Variants in ASPM observed in about 807,000 individuals in gnomAD.
ASPM encodes the protein abnormal spindle-like microcephaly-associated protein.
In ASPM, 256 loss-of-function variants were observed where a neutral mutation model predicts 366.4. The ratio of observed to expected loss-of-function variants is 0.70; its 90% CI spans 0.63 to 0.77. ASPM has a LOEUF of 0.77. Ranked by LOEUF, ASPM falls within the 30% of genes least tolerant of loss-of-function variation. The probability of loss-of-function intolerance (pLI) is 0.00; values close to 1 mark genes in which losing one functional copy is unlikely to be tolerated. For synonymous variants in ASPM, 1,414 were observed against 1,342.9 expected (o/e 1.05, Z -1.16); for missense variants, 4,146 against 4,090.4 (o/e 1.01, Z -0.37).
rs746872796 is a variant in ASPM at position 197,135,130 on chromosome 1, A to G, written c.2139T>C (p.Pro713=). 2.4e-5 allele frequency: 38 copies of G among 1,606,098 alleles called. No individual in the cohort carries two copies. The highest frequency in any genetic ancestry group is 3.2e-5 in the Non-Finnish European group (37 of 1,172,992). The part of the protein sequence containing the change: ...FTWWLNFILT[P]DDFTVKTNIS... ...TATTTGTTTTTACAGTGAAGTCATC[A>G]GGGGTTAATATAAAATTTAACCACC... Residue 713 remains proline (P), a synonymous_variant, in exon 5 of 28, where the codon CCT becomes CCC. Transcript: ENST00000367409.
intron 20 of ASPM, among the ~76,000 whole-genome samples, chr1:197,093,657 C>A (rs539559537): frequency 6.6e-6 from 1 of 151,898 alleles, no homozygotes; most frequent in East Asian, 1.9e-4. Context: ...TAGCATACCA[C>A]TAGCACACCT....
chr1:197,139,236 C>T (rs1337731059), intron 4 of ASPM: 16 of 910,088 alleles, frequency 1.8e-5, no homozygotes, highest in South Asian at 7.8e-5. Flanking sequence ...AGGCTAGTGA[C>T]GGCCTCTGAC....
At chr1:197,119,791 C>T (rs969685701) in intron 16 of ASPM, among the ~76,000 whole-genome samples, 9 of 152,138 alleles carry the variant, frequency 5.9e-5, no homozygotes, top group Middle Eastern at 3.4e-3. Flanking sequence ...CCAGGGGATG[C>T]TTCAATAGTT....
At chr1:197,128,775 A>C in intron 9 of ASPM, 110 bp from the exon 10 acceptor site, 2 of 890,054 alleles carry the variant, frequency 2.2e-6, no homozygotes, top group East Asian at 2.8e-5. Flanking sequence ...TAATATAAAA[A>C]GTTTCATATT....
intron 16 of ASPM, among the ~76,000 whole-genome samples, chr1:197,120,728 C>G (rs1232479523): frequency 6.6e-6 from 1 of 152,008 alleles, no homozygotes; most frequent in Non-Finnish European, 1.5e-5. Flanking sequence ...TTGGAAGCTT[C>G]TAGGGGAATT....
At position 197,102,827 on chromosome 1, in the gene ASPM, CTT is replaced by C. The variant is rs1465448637; in HGVS notation, c.6422_6423del (p.Lys2141SerfsTer10). Reference sequence around the variant, plus strand: ...CATCTTACTTGAATAACAATAGCTGCTTTTCTCATTGTATGGTAACTTATTCT... The same window carrying C: ...CATCTTACTTGAATAACAATAGCTGCTTCTCATTGTATGGTAACTTATTCT... ...QSRISYHTMR[K>X]AAIVIQVRCR... On this transcript the variant is annotated frameshift_variant, in exon 18 of 28. Coordinates refer to ENST00000367409, the MANE Select transcript of ASPM (RefSeq NM_018136.5). LOFTEE classifies it high-confidence loss of function. The C allele has an allele frequency of 1.2e-6, 2 of 1,612,280 alleles. No homozygotes were observed. The highest frequency in any genetic ancestry group is 1.7e-6 in the Non-Finnish European group (2 of 1,179,216).
At position 197,103,027 on chromosome 1, in the gene ASPM, CT is replaced by C; in HGVS notation, c.6223del (p.Arg2075AspfsTer19). On this transcript the variant is annotated frameshift_variant, in exon 18 of 28. Coordinates refer to ENST00000367409, the MANE Select transcript of ASPM (RefSeq NM_018136.5). LOFTEE classifies it high-confidence loss of function. ...TYRASAIIIQRWYRGIKITNH... is the reference protein window; with the variant it reads ...TYRASAIIIQXWYRGIKITNH... ...TGTAATTTTAATACCTCGATACCAT[CT>C]CTGAATTATAATAGCTGAAGCTCTA... 1.2e-6 allele frequency: 2 copies of C among 1,612,372 alleles called. No homozygotes were observed. Among genetic ancestry groups the C allele is most frequent in the Non-Finnish European group, 1.7e-6 (2 of 1,179,186 alleles).
chr1:197,135,330 C>A lies in ASPM; in HGVS notation c.2027-88G>T, dbSNP rs910301304. The A allele has an allele frequency of 6.3e-6, 8 of 1,268,744 alleles. 1 individual carries two copies. In the African/African-American group the frequency reaches 1.0e-4, roughly 16 times the overall value. 78.6% of individuals were successfully genotyped at this position (1,268,744 alleles called of 1,614,324 possible). A position where few individuals can be genotyped will look rare whatever the true frequency, so the allele number is the denominator to read the frequency against. On this transcript the variant is annotated intron_variant, in intron 4 of 27. Transcript: ENST00000367409. ...CAAAAGTCATTTTTACTAGCAATAC[C>A]ATCTTTAAAACACTGAACAATATTT...
intron 16 of ASPM, among the ~76,000 whole-genome samples, chr1:197,119,032 T>A (rs1407955261): frequency 1.3e-5 from 2 of 152,102 alleles, no homozygotes; most frequent in African/African-American, 4.8e-5. Context: ...TTAATAACAA[T>A]CAGTGGTTGG....
At position 197,130,032 on chromosome 1, in the gene ASPM, A is replaced by C. The variant is rs765390340; in HGVS notation, c.2512T>G (p.Leu838Val). ...CCTGTGACATCACTGTTATCTTCCA[A>C]AGATATGAGTTCTCCATAAGTTGTC... ...LETTYGELIS[L>V]EDNSDVTGLA... The change falls in exon 8 of 28, where the codon TTG (leucine) becomes GTG (valine). Residue 838 changes from leucine (L) to valine (V), a missense_variant. By Grantham distance (32) the Leu-to-Val change is conservative (BLOSUM62 1). Coordinates refer to ENST00000367409, the MANE Select transcript of ASPM (RefSeq NM_018136.5). The C allele has an allele frequency of 1.9e-6, 3 of 1,613,788 alleles. No individual in the cohort carries two copies. Among genetic ancestry groups the C allele is most frequent in the Admixed American group, 3.3e-5 (2 of 59,984 alleles).
rs1449395109 is a variant in ASPM at position 197,102,656 on chromosome 1, T to A, written c.6595A>T (p.Asn2199Tyr). The A allele has an allele frequency of 6.8e-6, 11 of 1,612,802 alleles. No homozygotes were observed. The highest frequency in any genetic ancestry group is 9.3e-6 in the Non-Finnish European group (11 of 1,179,288). ...MQTAATLIQS[N>Y]YRRYRQQTYF... is the part of the protein sequence containing the mutation. ...GTTTGCTGTCTGTATCTTCTGTAGT[T>A]TGACTGAATGAGTGTTGCTGCAGTC... The change falls in exon 18 of 28, where the codon AAC becomes TAC. Residue 2199 changes from asparagine (N) to tyrosine (Y), a missense_variant. Coordinates refer to ENST00000367409, the MANE Select transcript of ASPM (RefSeq NM_018136.5).
At position 197,101,723 on chromosome 1, in the gene ASPM, T is replaced by A; in HGVS notation, c.7528A>T (p.Ile2510Phe). 3 of 1,612,150 alleles carry A rather than the reference T, an allele frequency of 1.9e-6. No homozygotes were observed. Among genetic ancestry groups the A allele is most frequent in the African/African-American group, 2.7e-5 (2 of 74,908 alleles). Residue 2510 changes from isoleucine (I) to phenylalanine (F), a missense_variant, in exon 18 of 28, where the codon ATT (isoleucine) becomes TTT (phenylalanine). Coordinates refer to ENST00000367409, the MANE Select transcript of ASPM (RefSeq NM_018136.5). ...FQTWKHASIL[I>F]QQHYRTYRAA... Reference sequence around the variant, plus strand: ...CTATATGTTCGATAATGTTGCTGAATTAGAATTGAAGCATGTTTCCAAGTC... The same window carrying A: ...CTATATGTTCGATAATGTTGCTGAAATAGAATTGAAGCATGTTTCCAAGTC...
intron 25 of ASPM, among the ~76,000 whole-genome samples, chr1:197,088,749 T>C (rs963993347): frequency 1.3e-5 from 2 of 152,056 alleles, no homozygotes; most frequent in Non-Finnish European, 2.9e-5. Flanking sequence ...ATAAGACCAC[T>C]TTAGTAAGAA....
chr1:197,117,633 C>T (rs190281237), intron 17 of ASPM, among the ~76,000 whole-genome samples, 156 bp downstream of exon 17: 14 of 152,224 alleles, frequency 9.2e-5, no homozygotes, highest in Admixed American at 9.2e-4. Context: ...TGCTGAACAC[C>T]ATAACGAGCT....
In ASPM at chr1:197,128,495, G is replaced by A. The variant is rs1418518988; in HGVS notation, c.2931C>T (p.Arg977=). Residue 977 remains arginine (R), a synonymous_variant, in exon 10 of 28, where the codon CGC becomes CGT. Transcript: ENST00000367409. ...ATTCTATTTCTTATACGTACACAAGGCGCACTCCACATTGCAAGTCTACGG... is the reference window on the plus strand; with the variant it reads ...ATTCTATTTCTTATACGTACACAAGACGCACTCCACATTGCAAGTCTACGG... ...NLAVDLQCGV[R]LVRTMELLTQ... The A allele has an allele frequency of 6.2e-7, 1 of 1,611,302 alleles. No homozygotes were observed. Among genetic ancestry groups the A allele is most frequent in the African/African-American group, 1.3e-5 (1 of 74,826 alleles).
At chr1:197,117,159 C>T (rs569825870) in intron 17 of ASPM, among the ~76,000 whole-genome samples, 36 of 151,948 alleles carry the variant, frequency 2.4e-4, no homozygotes, top group Non-Finnish European at 4.6e-4. Context: ...CAAAAACTTT[C>T]AAATTCATAA....
chr1:197,141,053 T>G (rs1243818703), intron 3 of ASPM, among the ~76,000 whole-genome samples: 1 of 152,140 alleles, frequency 6.6e-6, no homozygotes, highest in Non-Finnish European at 1.5e-5. Context: ...CAAAATATAC[T>G]GCTACTAAAT....
chr1:197,144,091 T>C lies in ASPM; in HGVS notation c.307A>G (p.Lys103Glu), dbSNP rs1214099220. 1.2e-6 allele frequency: 2 copies of C among 1,602,546 alleles called. No individual in the cohort carries two copies. Among genetic ancestry groups the C allele is most frequent in the Non-Finnish European group, 1.7e-6 (2 of 1,169,964 alleles). Residue 103 changes from lysine (K) to glutamate (E), a missense_variant, in exon 2 of 28, where the codon AAA (lysine) becomes GAA (glutamate). Physicochemically the swap from Lys to Glu is moderately conservative, Grantham distance 56. Coordinates refer to ENST00000367409, the MANE Select transcript of ASPM (RefSeq NM_018136.5). ...GTCCAGTTAACAGAAATAACAATTT[T>C]CTCTTTAGGCTATAATCAAAACAAT... ...QRCFVLQPKE[K>E]IVISVNWTPL...
In ASPM at chr1:197,124,934, T is replaced by A; in HGVS notation, c.3104A>T (p.Asp1035Val). 3 of 1,612,180 alleles carry A rather than the reference T, an allele frequency of 1.9e-6. No individual in the cohort carries two copies. Among genetic ancestry groups the A allele is most frequent in the Non-Finnish European group, 2.5e-6 (3 of 1,178,296 alleles). ...TTTTTCTCTGTGCCTATCCACAATA[T>A]CCTTAGATAGAATTGTATTTCCTAT... ...DEHGNTILSK[D>V]IVDRHREKTL... Residue 1035 changes from aspartate (D) to valine (V), a missense_variant, in exon 12 of 28, where the codon GAT becomes GTT. Physicochemically the swap from Asp to Val is radical, Grantham distance 152. Around this residue, in one of 3 missense-constraint regions of ASPM, gnomAD observed 3,624 missense variants for 3,591.7 expected, o/e 1.01. Transcript: ENST00000367409.
Sources: gnomAD v4.1 joint callset for allele counts (sites outside exome capture counted in the v4.1 genomes callset) on GRCh38, gnomAD v4.1.1 for gene constraint, gnomAD v4.1.1 regional missense constraint, MANE v1.5 for transcripts, NCBI Gene and HGNC (gene_info 2026-07-23, HGNC 2026-07-21) for gene names.